PLCB4: variants seen among roughly 807,000 people sequenced by gnomAD.
PLCB4 encodes 1-phosphatidylinositol 4,5-bisphosphate phosphodiesterase beta-4.
In PLCB4, 77 loss-of-function variants were observed where a neutral mutation model predicts 178.8. The observed-to-expected ratio is 0.43, with a 90% CI of 0.36 to 0.52. The LOEUF is 0.52. PLCB4 is among the 20% of genes least tolerant of loss of function. The probability of loss-of-function intolerance (pLI) is 0.00; values close to 1 mark genes in which losing one functional copy is unlikely to be tolerated. For missense variants in PLCB4, 1,024 were observed against 1,453.4 expected, an observed-to-expected ratio of 0.70 and a Z score of 4.80; for synonymous variants, 496 against 490.8, an observed-to-expected ratio of 1.01 and a Z score of -0.14.
intron 1 of PLCB4, among the ~76,000 whole-genome samples, chr20:9,088,480 C>T (rs1038753335): frequency 3.3e-5 from 5 of 152,142 alleles, no homozygotes; most frequent in Non-Finnish European, 7.4e-5. Flanking sequence ...AGTGTTAAAC[C>T]TTCAGCTACA....
chr20:9,345,999 C>A (rs1273794928), intron 7 of PLCB4, among the ~76,000 whole-genome samples: 5 of 152,142 alleles, frequency 3.3e-5, no homozygotes, highest in Admixed American at 3.3e-4. Context: ...ATTGAGTCCT[C>A]CTGGCTTTGC....
chr20:9,286,274 T>C (rs947614885), intron 3 of PLCB4, among the ~76,000 whole-genome samples: 1 of 152,040 alleles, frequency 6.6e-6, no homozygotes, highest in African/African-American at 2.4e-5. Context: ...GGCTAAAATA[T>C]AATGAACACA....
chr20:9,312,352 C>CCA (rs2094844225), intron 4 of PLCB4, among the ~76,000 whole-genome samples: 5 of 109,688 alleles, frequency 4.6e-5, no homozygotes, highest in African/African-American at 2.3e-4. Flanking sequence ...ACCTTCCACC[C>CCA]TACACACACA....
At chr20:9,285,886 C>T (rs1438140008) in intron 3 of PLCB4, among the ~76,000 whole-genome samples, 2 of 151,976 alleles carry the variant, frequency 1.3e-5, no homozygotes, top group Non-Finnish European at 2.9e-5. Flanking sequence ...GTGTCCATGT[C>T]TATTGTGAAA....
chr20:9,275,817 C>T (rs2094445720), intron 3 of PLCB4, among the ~76,000 whole-genome samples: 1 of 152,024 alleles, frequency 6.6e-6, no homozygotes, highest in African/African-American at 2.4e-5. Context: ...TCATGACCTT[C>T]TCAAAAGATG....
intron 3 of PLCB4, among the ~76,000 whole-genome samples, chr20:9,300,924 G>A (rs1307638402): frequency 1.3e-5 from 2 of 151,968 alleles, no homozygotes; most frequent in Non-Finnish European, 2.9e-5. Flanking sequence ...CACAGTTCTC[G>A]AGGCCAGACG....
chr20:9,203,164 T>G (rs1442852138), intron 2 of PLCB4, among the ~76,000 whole-genome samples: 1 of 151,594 alleles, frequency 6.6e-6, no homozygotes, highest in East Asian at 1.9e-4. Flanking sequence ...CTGTACTTAC[T>G]CTTCTTCTGT....
chr20:9,371,400 G>T, intron 10 of PLCB4, 105 bp downstream of exon 10: 2 of 619,472 alleles, frequency 3.2e-6, no homozygotes, highest in African/African-American at 1.9e-5. Flanking sequence ...AATTAGATTT[G>T]GAATTATATG....
rs566159825 is a variant in PLCB4 at position 9,459,912 on chromosome 20, C to T, written c.3248+102C>T. 4.6e-4 allele frequency: 324 copies of T among 709,476 alleles called. 1 individual carries two copies. Among genetic ancestry groups the T allele is most frequent in the Admixed American group, 3.4e-3 (131 of 38,308 alleles). The allele number at this position is 709,476 out of a possible 1,614,324, so 43.9% of individuals were successfully genotyped here. ...AAGGTAATAAGTGAAATCAATTTGA[C>T]GTACAACATGTAGCTCTTTTGTGTA... On this transcript the variant is annotated intron_variant, in intron 35 of 39. Transcript: ENST00000378473.
chr20:9,220,571 G>A (rs770636643), intron 3 of PLCB4, among the ~76,000 whole-genome samples: 2 of 152,176 alleles, frequency 1.3e-5, no homozygotes. Context: ...AGGAGGCGGA[G>A]GTTTGCAGTG....
At chr20:9,266,921 C>G (rs1265324866) in intron 3 of PLCB4, among the ~76,000 whole-genome samples, 1 of 152,114 alleles carries the variant, frequency 6.6e-6, no homozygotes, top group African/African-American at 2.4e-5. Context: ...TAAGGATCTG[C>G]AGAAGAACCT....
chr20:9,147,237 T>C (rs769795485), intron 2 of PLCB4, among the ~76,000 whole-genome samples: 4 of 152,148 alleles, frequency 2.6e-5, no homozygotes, highest in Non-Finnish European at 5.9e-5. Context: ...GGCTTCTAGA[T>C]CCTTAAAGAC....
chr20:9,384,725 A>G (rs2037430055), intron 14 of PLCB4, among the ~76,000 whole-genome samples: 1 of 152,038 alleles, frequency 6.6e-6, no homozygotes, highest in South Asian at 2.1e-4. Context: ...GATTATAGGT[A>G]CTTGTTACTA....
chr20:9,332,747 A>C (rs2031875267), intron 4 of PLCB4, among the ~76,000 whole-genome samples: 1 of 152,128 alleles, frequency 6.6e-6, no homozygotes, highest in Admixed American at 6.6e-5. Flanking sequence ...CTATCCTGCT[A>C]TAACTGTGTA....
At chr20:9,262,601 A>G (rs1379157700) in intron 3 of PLCB4, among the ~76,000 whole-genome samples, 1 of 152,186 alleles carries the variant, frequency 6.6e-6, no homozygotes, top group African/African-American at 2.4e-5. Context: ...GCATTCCATG[A>G]GGAAACGAAG....
At chr20:9,334,262 A>T (rs903861292) in intron 4 of PLCB4, among the ~76,000 whole-genome samples, 1 of 152,266 alleles carries the variant, frequency 6.6e-6, no homozygotes, top group African/African-American at 2.4e-5. Context: ...TGAGGAAAGG[A>T]AGGTGTGCAC....
chr20:9,387,360 T>C, intron 14 of PLCB4, 103 bp from the exon 15 acceptor site: 1 of 605,750 alleles, frequency 1.7e-6, no homozygotes, highest in Non-Finnish European at 2.9e-6. Context: ...TATTCAATTT[T>C]CTGTTCTGGA....
intron 3 of PLCB4, among the ~76,000 whole-genome samples, chr20:9,218,481 G>A (rs574181925): frequency 2.6e-5 from 4 of 152,290 alleles, no homozygotes; most frequent in African/African-American, 9.6e-5. Context: ...AGGAACAAGA[G>A]GTCATTTTAT....
chr20:9,435,435 TAGG>T (rs761548491), intron 28 of PLCB4, 122 bp from the exon 29 acceptor site: 16 of 591,906 alleles, frequency 2.7e-5, no homozygotes, highest in Non-Finnish European at 3.9e-5. Context: ...TCTTATGTCC[TAGG>T]AAAAGATTAT....
Sources: allele counts gnomAD v4.1 joint callset (sites outside exome capture counted in the v4.1 genomes callset), GRCh38; gene constraint gnomAD v4.1.1; transcripts MANE v1.5; gene names NCBI Gene and HGNC (gene_info 2026-07-23, HGNC 2026-07-21).